Variants in LIPC observed in about 807,000 individuals in gnomAD.
LIPC encodes lipase C, hepatic type, also known as hepatic triacylglycerol lipase.
LIPC carries 44 observed loss-of-function variants against 50.7 expected under a neutral mutation model. The observed-to-expected ratio is 0.87, with a 90% CI of 0.68 to 1.11. LIPC has a LOEUF of 1.11. Ranked by LOEUF, LIPC falls within the 50% of genes most tolerant of loss-of-function variation. The pLI, the probability that LIPC is intolerant of heterozygous loss-of-function variation, is 0.00. For missense variants in LIPC, 697 were observed against 648.2 expected (o/e 1.08, Z -0.82); for synonymous variants, 271 against 256.4 (o/e 1.06, Z -0.54).
intron 1 of LIPC, among the ~76,000 whole-genome samples, chr15:58,440,624 G>A (rs1158073034): frequency 6.6e-6 from 1 of 152,218 alleles, no homozygotes; most frequent in Non-Finnish European, 1.5e-5. Context: ...GTGTGTGGGG[G>A]CAGGGAGGTT....
rs544957802 is a variant in LIPC, at chr15:58,476,565, A to G, written c.88+44445A>G. ...ACTCACATGGAGCTAAGACAATCAT[A>G]CAAAACTCAGGCATGGGGTCAGCCC... On this transcript the variant is annotated intron_variant, in intron 1 of 8. Coordinates refer to ENST00000299022, the MANE Select transcript of LIPC (RefSeq NM_000236.3). 7.2e-5 allele frequency among the ~76,000 whole-genome samples: 11 copies of G among 152,342 alleles called. No homozygotes were observed. In the East Asian group the frequency reaches 2.1e-3, roughly 29 times the overall value.
At chr15:58,514,390 G>A (rs1264588596) in intron 1 of LIPC, among the ~76,000 whole-genome samples, 1 of 152,164 alleles carries the variant, frequency 6.6e-6, no homozygotes. Context: ...GTATTATAAG[G>A]AGTATTTTAT....
At chr15:58,474,095 AATC>A (rs1430472146) in intron 1 of LIPC, among the ~76,000 whole-genome samples, 1 of 152,212 alleles carries the variant, frequency 6.6e-6, no homozygotes, top group East Asian at 1.9e-4. Context: ...CTTCTACATC[AATC>A]ATCAAGCAAC....
chr15:58,565,125 T>G, intron 8 of LIPC: 2 of 1,408,834 alleles, frequency 1.4e-6, no homozygotes, highest in Admixed American at 3.9e-5. Flanking sequence ...TTTATCTCCC[T>G]GGGATGCAAA....
intron 1 of LIPC, among the ~76,000 whole-genome samples, chr15:58,520,613 C>T (rs534371919): frequency 6.6e-6 from 1 of 152,138 alleles, no homozygotes; most frequent in African/African-American, 2.4e-5. Context: ...GTCCCAGAAA[C>T]GCTTGGCCAA....
chr15:58,465,335 G>C (rs1894512489), intron 1 of LIPC, among the ~76,000 whole-genome samples: 1 of 152,310 alleles, frequency 6.6e-6, no homozygotes, highest in African/African-American at 2.4e-5. Context: ...AAAGCCAACA[G>C]TTTTTACATC....
rs191457807 is a variant in LIPC at position 58,444,001 on chromosome 15, A to G, written c.88+11881A>G. On this transcript the variant is annotated intron_variant, in intron 1 of 8. Transcript: ENST00000299022. ...TGGTGGAGTGTCATCAGTTAAGGCT[A>G]TTTTCACTTCTTTTGTGGATCTTCA... Among the ~76,000 whole-genome samples, 6 of 152,062 alleles carry G rather than the reference A, an allele frequency of 3.9e-5. No homozygotes were observed. In the East Asian group the frequency reaches 1.2e-3, roughly 30 times the overall value.
Position 58,548,408 on chromosome 15 carries a change from A to G in LIPC, c.887A>G (p.Gln296Arg), listed in dbSNP as rs1285281580. 1 of 1,614,154 alleles carries G rather than the reference A, an allele frequency of 6.2e-7. No individual in the cohort carries two copies. Among genetic ancestry groups the G allele is most frequent in the African/African-American group, 1.3e-5 (1 of 75,068 alleles). Residue 296 changes from glutamine to arginine, a missense_variant, in exon 6 of 9, where the codon CAG becomes CGG. Physicochemically the swap from Gln to Arg is conservative, Grantham distance 43 (BLOSUM62 1). Transcript: ENST00000299022. ...GACTCCTTGCTGCACGCCGGCACGC[A>G]GAGCATGGCCTACCCGTGTGGTGAC... Reference protein sequence around the residue: ...FIDSLLHAGTQSMAYPCGDMN... With the variant: ...FIDSLLHAGTRSMAYPCGDMN...
intron 1 of LIPC, among the ~76,000 whole-genome samples, chr15:58,434,470 G>T (rs1893225219): frequency 6.6e-6 from 1 of 152,178 alleles, no homozygotes; most frequent in African/African-American, 2.4e-5. Flanking sequence ...CTTGCCGGCG[G>T]TCGCATAGCT....
intron 1 of LIPC, among the ~76,000 whole-genome samples, chr15:58,484,835 A>G (rs1450639421): frequency 6.6e-6 from 1 of 152,258 alleles, no homozygotes; most frequent in African/African-American, 2.4e-5. Flanking sequence ...AGGAAGTGAC[A>G]TTTACACTAA....
At chr15:58,504,507 C>G (rs1256412002) in intron 1 of LIPC, among the ~76,000 whole-genome samples, 1 of 152,174 alleles carries the variant, frequency 6.6e-6, no homozygotes, top group South Asian at 2.1e-4. Context: ...TGGCCAGGAA[C>G]AGCACTCAAC....
At chr15:58,541,109 TA>T (rs1345159317) in intron 2 of LIPC, among the ~76,000 whole-genome samples, 1 of 152,052 alleles carries the variant, frequency 6.6e-6, no homozygotes, top group Non-Finnish European at 1.5e-5. Context: ...CCCCCACCCA[TA>T]TTCGTCTTAC....
chr15:58,532,561 T>G (rs1003260756), intron 1 of LIPC, among the ~76,000 whole-genome samples: 11 of 152,244 alleles, frequency 7.2e-5, no homozygotes, highest in African/African-American at 2.7e-4. Flanking sequence ...GCATGTTGTA[T>G]GAAAAACCTT....
chr15:58,461,923 C>T (rs1421863558), intron 1 of LIPC, among the ~76,000 whole-genome samples: 1 of 151,842 alleles, frequency 6.6e-6, no homozygotes, highest in Non-Finnish European at 1.5e-5. Context: ...TCGTGCTGTC[C>T]CCCCGCCCCC....
chr15:58,500,741 AC>A (rs1404495421), intron 1 of LIPC, among the ~76,000 whole-genome samples: 4 of 70,150 alleles, frequency 5.7e-5, no homozygotes, highest in Non-Finnish European at 8.8e-5. Flanking sequence ...TCCCCCCACC[AC>A]CCCCCTCTCC....
intron 1 of LIPC, among the ~76,000 whole-genome samples, chr15:58,470,668 C>G (rs541217566): frequency 1.2e-4 from 18 of 149,834 alleles, no homozygotes; most frequent in African/African-American, 4.2e-4. Flanking sequence ...GGCGAGATCT[C>G]GGCTCACCGC....
intron 1 of LIPC, among the ~76,000 whole-genome samples, chr15:58,490,214 A>G (rs1214060921): frequency 6.6e-6 from 1 of 152,196 alleles, no homozygotes; most frequent in African/African-American, 2.4e-5. Flanking sequence ...GGGGTCGGGA[A>G]GATGGCAGGC....
intron 1 of LIPC, among the ~76,000 whole-genome samples, chr15:58,509,855 A>G (rs913780328): frequency 6.6e-6 from 1 of 152,206 alleles, no homozygotes; most frequent in Non-Finnish European, 1.5e-5. Context: ...ATGGATATCT[A>G]TTATTATATT....
intron 6 of LIPC, among the ~76,000 whole-genome samples, chr15:58,554,087 G>C (rs559875470): frequency 2.5e-3 from 385 of 152,156 alleles, no homozygotes; most frequent in African/African-American, 8.8e-3. Context: ...ATTGTTTCTG[G>C]GAGGCAAAAA....
Sources: allele counts gnomAD v4.1 joint callset (sites outside exome capture counted in the v4.1 genomes callset), GRCh38; gene constraint gnomAD v4.1.1; transcripts MANE v1.5; gene names NCBI Gene and HGNC (gene_info 2026-07-23, HGNC 2026-07-21).